Variants in OSBP2 observed in about 807,000 individuals in gnomAD.
OSBP2 encodes oxysterol binding protein 2.
OSBP2 carries 66 observed loss-of-function variants against 96.0 expected under a neutral mutation model. That is an observed-to-expected ratio of 0.69 (90% CI 0.56 to 0.84). The LOEUF (loss-of-function observed/expected upper bound fraction) is 0.84. Ranked by LOEUF, OSBP2 falls within the 40% of genes least tolerant of loss-of-function variation. The pLI, the probability that OSBP2 is intolerant of heterozygous loss-of-function variation, is 0.00. For missense variants in OSBP2, 1,038 were observed against 1,222.7 expected (o/e 0.85, Z 2.25); for synonymous variants, 525 against 520.9 (o/e 1.01, Z -0.11).
chr22:30,892,138 T>C (rs1470177524), intron 8 of OSBP2, among the ~76,000 whole-genome samples: 2 of 151,808 alleles, frequency 1.3e-5, no homozygotes, highest in Non-Finnish European at 2.9e-5. Context: ...AGGGGGCAGA[T>C]GCTGGATGCG....
At chr22:30,861,281 C>T (rs866118683) in intron 2 of OSBP2, among the ~76,000 whole-genome samples, 2 of 152,146 alleles carry the variant, frequency 1.3e-5, no homozygotes, top group Non-Finnish European at 1.5e-5. Flanking sequence ...ATTTATATGG[C>T]GGGCCTGGGT....
intron 2 of OSBP2, among the ~76,000 whole-genome samples, chr22:30,813,028 AT>A: frequency 6.6e-6 from 1 of 151,676 alleles, no homozygotes; most frequent in East Asian, 1.9e-4. Flanking sequence ...TTTTGTGAGC[AT>A]TTTTTCATTG....
chr22:30,756,611 C>T (rs1222980901), intron 2 of OSBP2, among the ~76,000 whole-genome samples: 4 of 152,070 alleles, frequency 2.6e-5, no homozygotes, highest in African/African-American at 9.7e-5. Context: ...AAGAATCGTT[C>T]GAACCCGGGA....
At chr22:30,783,080 T>G (rs1405106763) in intron 2 of OSBP2, among the ~76,000 whole-genome samples, 2 of 150,462 alleles carry the variant, frequency 1.3e-5, no homozygotes, top group Non-Finnish European at 3.0e-5. Context: ...TTTTTTTTTT[T>G]TTTTTTCTGG....
intron 1 of OSBP2, chr22:30,731,499 C>A (rs2089778303): frequency 6.5e-6 from 1 of 152,978 alleles, no homozygotes. Context: ...CATACAAGCC[C>A]AGAAGTGGAG....
At position 30,695,071 on chromosome 22, in the gene OSBP2, C is replaced by G; in HGVS notation, c.162C>G (p.Pro54=). ...SGSGPEPKPQ[P]QPVPEPERGP... Reference sequence around the variant, plus strand: ...CCGGGCCGGAGCCCAAGCCCCAGCCCCAGCCCGTGCCCGAACCGGAGCGGG... The same window carrying G: ...CCGGGCCGGAGCCCAAGCCCCAGCCGCAGCCCGTGCCCGAACCGGAGCGGG... Residue 54 remains proline (P), a synonymous_variant, in exon 1 of 14, where the codon CCC becomes CCG. Coordinates refer to ENST00000332585, the MANE Select transcript of OSBP2 (RefSeq NM_030758.4). The G allele has an allele frequency of 6.3e-7, 1 of 1,582,476 alleles. No individual in the cohort carries two copies. Among genetic ancestry groups the G allele is most frequent in the Non-Finnish European group, 8.6e-7 (1 of 1,165,484 alleles).
intron 2 of OSBP2, among the ~76,000 whole-genome samples, chr22:30,752,288 CTTTTTTTTT>C (rs10691256): frequency 5.0e-3 from 242 of 48,660 alleles, no homozygotes; most frequent in African/African-American, 0.02. Context: ...CTTTGCTTTG[CTTTTTTTTT>C]TTTTTTTTTT....
chr22:30,850,647 G>A (rs752730697), intron 2 of OSBP2, among the ~76,000 whole-genome samples: 7 of 152,016 alleles, frequency 4.6e-5, no homozygotes, highest in Non-Finnish European at 7.4e-5. Flanking sequence ...TTACAGGTGC[G>A]TGCCATCATG....
chr22:30,696,936 G>C (rs1287929691), intron 1 of OSBP2, among the ~76,000 whole-genome samples: 1 of 152,122 alleles, frequency 6.6e-6, no homozygotes, highest in Non-Finnish European at 1.5e-5. Context: ...TAGGATTACA[G>C]GCATGAGCCA....
Position 30,893,894 on chromosome 22 carries a change from C to T in OSBP2, c.2268C>T (p.Cys756=). The T allele has an allele frequency of 2.5e-6, 4 of 1,586,422 alleles. No homozygotes were observed. Among genetic ancestry groups the T allele is most frequent in the Non-Finnish European group, 3.4e-6 (4 of 1,166,240 alleles). Residue 756 remains cysteine (C), a synonymous_variant, in exon 12 of 14, where the codon TGC becomes TGT. Coordinates refer to ENST00000332585, the MANE Select transcript of OSBP2 (RefSeq NM_030758.4). ...GCTCGTGGGATGAACAAATGGAGTG[C>T]TCCAAGGTCATGCATAGCAGTCCCA... The part of the protein sequence containing the change: ...LSGSWDEQME[C]SKVMHSSPSS...
intron 1 of OSBP2, among the ~76,000 whole-genome samples, chr22:30,725,598 C>G (rs1206308738): frequency 2.0e-5 from 3 of 151,898 alleles, no homozygotes; most frequent in Non-Finnish European, 4.4e-5. Context: ...TTGGTATTCA[C>G]CAGTTCTATG....
intron 2 of OSBP2, among the ~76,000 whole-genome samples, chr22:30,817,800 T>C (rs774743977): frequency 2.4e-4 from 37 of 152,252 alleles, no homozygotes; most frequent in Non-Finnish European, 3.4e-4. Context: ...TTGTTGGAGA[T>C]AGACAAGTAA....
intron 1 of OSBP2, among the ~76,000 whole-genome samples, chr22:30,724,357 A>G (rs1486563045): frequency 6.6e-6 from 1 of 152,134 alleles, no homozygotes; most frequent in Non-Finnish European, 1.5e-5. Context: ...AGCTGGGATT[A>G]CAGGTGCTTG....
intron 2 of OSBP2, among the ~76,000 whole-genome samples, chr22:30,807,205 T>C (rs2090940199): frequency 6.6e-6 from 1 of 152,100 alleles, no homozygotes; most frequent in Non-Finnish European, 1.5e-5. Flanking sequence ...GCCCCATCTC[T>C]CCTACCTTGA....
At chr22:30,814,445 T>C (rs136238) in intron 2 of OSBP2, among the ~76,000 whole-genome samples, 24,153 of 151,040 alleles carry the variant, frequency 0.16, 2,125 homozygotes, top group East Asian at 0.21. Context: ...TTTTTTTTTT[T>C]TTTTTAAGAT....
At chr22:30,744,917 TTAGGC>T (rs2089979834) in intron 2 of OSBP2, among the ~76,000 whole-genome samples, 1 of 152,224 alleles carries the variant, frequency 6.6e-6, no homozygotes, top group Admixed American at 6.5e-5. Flanking sequence ...AGACCATATG[TTAGGC>T]CACAAAACAA....
chr22:30,772,328 G>A (rs136325), intron 2 of OSBP2, among the ~76,000 whole-genome samples: 19,617 of 152,252 alleles, frequency 0.13, 1,317 homozygotes, highest in Non-Finnish European at 0.16. Context: ...CCTGAGGAAT[G>A]AGGGTATTCA....
chr22:30,822,786 C>G (rs2038307636), intron 2 of OSBP2: 1 of 1,306,460 alleles, frequency 7.7e-7, no homozygotes, highest in Non-Finnish European at 1.0e-6. Flanking sequence ...GGCTTTGCTG[C>G]GTGATCGATC....
intron 2 of OSBP2, among the ~76,000 whole-genome samples, chr22:30,815,349 C>A (rs1482981808): frequency 1.3e-5 from 2 of 152,168 alleles, no homozygotes; most frequent in Non-Finnish European, 2.9e-5. Flanking sequence ...CACTAGTCAC[C>A]CATCTGTGTC....
Sources: allele counts gnomAD v4.1 joint callset (sites outside exome capture counted in the v4.1 genomes callset), GRCh38; gene constraint gnomAD v4.1.1; transcripts MANE v1.5; gene names NCBI Gene and HGNC (gene_info 2026-07-23, HGNC 2026-07-21).